TUBB3: variants seen among roughly 807,000 people sequenced by gnomAD.
TUBB3 encodes the protein tubulin beta 3 class III.
In TUBB3, 17 loss-of-function variants were observed where a neutral mutation model predicts 37.8. That is an observed-to-expected ratio of 0.45 (90% confidence interval 0.31 to 0.67). TUBB3 has a LOEUF of 0.67. Among genes scored for constraint, TUBB3 ranks in the 30% least tolerant of loss-of-function variants. TUBB3 has a pLI of 0.07. For missense variants in TUBB3, 262 were observed against 657.9 expected (o/e 0.40, Z 6.58); for synonymous variants, 332 against 278.9 (o/e 1.19, Z -1.90).
chr16:89,928,219 T>A (rs1400956837), intron 1 of TUBB3, among the ~76,000 whole-genome samples: 1 of 149,948 alleles, frequency 6.7e-6, no homozygotes, highest in African/African-American at 2.5e-5. Context: ...CATGCCCAAC[T>A]AATTTTTTTG....
chr16:89,935,410 G>T lies in TUBB3; in HGVS notation c.959G>T (p.Arg320Leu). ...ACGGTGGCCACCGTGTTCCGGGGCC[G>T]CATGTCCATGAAGGAGGTGGACGAG... ...YLTVATVFRG[R>L]MSMKEVDEQM... Residue 320 changes from arginine (R) to leucine (L), a missense_variant, in exon 4 of 4, where the codon CGC becomes CTC. Transcript: ENST00000315491. 1 of 1,614,178 alleles carries T rather than the reference G, an allele frequency of 6.2e-7. No individual in the cohort carries two copies. The highest frequency in any genetic ancestry group is 8.5e-7 in the Non-Finnish European group (1 of 1,180,046).
rs897420696 is a variant in TUBB3 at position 89,935,849 on chromosome 16, A to G, written c.*45A>G. On this transcript the variant is annotated 3_prime_UTR_variant, in exon 4 of 4. Coordinates refer to ENST00000315491, the MANE Select transcript of TUBB3 (RefSeq NM_006086.4). ...GAGAGGCAGGTGGCGGCCGGGGCCG[A>G]AGCCAGCAGTGTCTAAACCCCCGGA... The G allele has an allele frequency of 5.1e-6, 8 of 1,582,920 alleles. No homozygotes were observed. The highest frequency in any genetic ancestry group is 6.9e-6 in the Non-Finnish European group (8 of 1,164,198).
intron 1 of TUBB3, 23 bp downstream of exon 1, chr16:89,923,481 G>T: frequency 7.0e-7 from 1 of 1,435,364 alleles, no homozygotes; most frequent in Non-Finnish European, 9.2e-7. Flanking sequence ...GCCCCGGCCT[G>T]TCCCGGGCCC....
chr16:89,925,876 C>T (rs1382496594), intron 1 of TUBB3, among the ~76,000 whole-genome samples: 1 of 152,198 alleles, frequency 6.6e-6, no homozygotes, highest in African/African-American at 2.4e-5. Flanking sequence ...GGAGCAAAGC[C>T]GGGTCCCGGG....
In TUBB3 at chr16:89,935,894, C is replaced by T. The variant is rs1263075833; in HGVS notation, c.*90C>T. On this transcript the variant is annotated 3_prime_UTR_variant, in exon 4 of 4. Transcript: ENST00000315491. The stretch of plus-strand genomic sequence containing the variant: ...CCCGGAGCCATCTTGCTGCCGACAC[C>T]CTGCTTTCCCCTCGCCCTAGGGCTC... 1.1e-5 allele frequency: 16 copies of T among 1,467,040 alleles called. No individual in the cohort carries two copies. The highest frequency in any genetic ancestry group is 1.5e-5 in the Non-Finnish European group (16 of 1,090,348). 90.9% of individuals were successfully genotyped at this position (1,467,040 alleles called of 1,614,324 possible). A position where few individuals can be genotyped will look rare whatever the true frequency, so the allele number is the denominator to read the frequency against.
chr16:89,930,821 C>A (rs371018619), intron 1 of TUBB3, among the ~76,000 whole-genome samples: 1 of 151,092 alleles, frequency 6.6e-6, no homozygotes, highest in Admixed American at 6.6e-5. Context: ...CACCCCTTTA[C>A]GAGAGGCATC....
At position 89,935,504 on chromosome 16, in the gene TUBB3, G is replaced by A. The variant is rs2030424649; in HGVS notation, c.1053G>A (p.Val351=). ...FVEWIPNNVK[V]AVCDIPPRGL... is the part of the protein sequence containing the mutation. ...AGTGGATCCCCAACAACGTGAAGGT[G>A]GCCGTGTGTGACATCCCGCCCCGCG... The change falls in exon 4 of 4, where the codon GTG becomes GTA. Residue 351 remains valine, a synonymous_variant. Transcript: ENST00000315491. 1.9e-6 allele frequency: 3 copies of A among 1,614,104 alleles called. No individual in the cohort carries two copies. Among genetic ancestry groups the A allele is most frequent in the Non-Finnish European group, 2.5e-6 (3 of 1,180,060 alleles).
intron 3 of TUBB3, 56 bp from the exon 4 acceptor site, chr16:89,934,673 G>A: frequency 6.4e-7 from 1 of 1,560,758 alleles, no homozygotes; most frequent in Non-Finnish European, 8.8e-7. Context: ...AGGGGCTGGA[G>A]GTCTGGACTG....
In TUBB3 at chr16:89,935,852, C is replaced by T. The variant is rs768243376; in HGVS notation, c.*48C>T. 6.3e-7 allele frequency: 1 copy of T among 1,577,444 alleles called. No individual in the cohort carries two copies. Among genetic ancestry groups the T allele is most frequent in the East Asian group, 2.3e-5 (1 of 43,244 alleles). The stretch of plus-strand genomic sequence containing the variant: ...AGGCAGGTGGCGGCCGGGGCCGAAG[C>T]CAGCAGTGTCTAAACCCCCGGAGCC... On this transcript the variant is annotated 3_prime_UTR_variant, in exon 4 of 4. Coordinates refer to ENST00000315491, the MANE Select transcript of TUBB3 (RefSeq NM_006086.4).
chr16:89,931,123 G>T (rs543628830), intron 1 of TUBB3, among the ~76,000 whole-genome samples: 74 of 152,242 alleles, frequency 4.9e-4, no homozygotes, highest in Non-Finnish European at 8.7e-4. Flanking sequence ...CACTGTACCT[G>T]GCCTACTAGA....
At chr16:89,929,286 A>T (rs1410719970) in intron 1 of TUBB3, among the ~76,000 whole-genome samples, 1 of 152,170 alleles carries the variant, frequency 6.6e-6, no homozygotes, top group Non-Finnish European at 1.5e-5. Flanking sequence ...TAATTTAAAA[A>T]TTTAACGCAA....
intron 1 of TUBB3, 134 bp from the exon 2 acceptor site, chr16:89,932,437 T>C (rs1054141264): frequency 2.8e-6 from 2 of 722,770 alleles, no homozygotes; most frequent in Non-Finnish European, 5.0e-6. Flanking sequence ...GGGGCTCTCT[T>C]CTGAATGGGG....
At position 89,923,411 on chromosome 16, in the gene TUBB3, A is replaced by T. The variant is rs2144399233; in HGVS notation, c.10A>T (p.Ile4Phe). 6.6e-7 allele frequency: 1 copy of T among 1,509,764 alleles called. No homozygotes were observed. Among genetic ancestry groups the T allele is most frequent in the East Asian group, 2.9e-5 (1 of 34,894 alleles). The allele number at this position is 1,509,764 out of a possible 1,614,324, so 93.5% of individuals were successfully genotyped here. A position where few individuals can be genotyped will look rare whatever the true frequency, so the allele number is the denominator to read the frequency against. The change falls in exon 1 of 4, where the codon ATC (isoleucine) becomes TTC (phenylalanine). Residue 4 changes from isoleucine to phenylalanine, a missense_variant. This residue lies in a region of TUBB3 where 58 missense variants were observed against 74.2 expected (regional missense o/e 0.78). Coordinates refer to ENST00000315491, the MANE Select transcript of TUBB3 (RefSeq NM_006086.4). ...GCCAGACGCGCCCAGTATGAGGGAGATCGTGCACATCCAGGCCGGCCAGTG... is the reference window on the plus strand; with the variant it reads ...GCCAGACGCGCCCAGTATGAGGGAGTTCGTGCACATCCAGGCCGGCCAGTG... The part of the protein sequence containing the change: MRE[I>F]VHIQAGQCGN...
rs587784504 is a variant in TUBB3, at chr16:89,935,782, C to T, written c.1331C>T (p.Ser444Leu). 1.2e-5 allele frequency: 20 copies of T among 1,613,418 alleles called. No homozygotes were observed. In the South Asian group the frequency reaches 1.6e-4, roughly 13 times the overall value. Residue 444 changes from serine to leucine, a missense_variant, in exon 4 of 4, where the codon TCG becomes TTG. By Grantham distance (145) the Ser-to-Leu change is moderately radical. This residue lies in a region of TUBB3 where 39 missense variants were observed against 26.9 expected (regional missense o/e 1.45). Coordinates refer to ENST00000315491, the MANE Select transcript of TUBB3 (RefSeq NM_006086.4). ...ATGTACGAAGACGACGAGGAGGAGT[C>T]GGAGGCCCAGGGCCCCAAGTGAAGC... ...GEMYEDDEEE[S>L]EAQGPK
At position 89,935,567 on chromosome 16, in the gene TUBB3, G is replaced by C; in HGVS notation, c.1116G>C (p.Thr372=). The change falls in exon 4 of 4, where the codon ACG becomes ACC. Residue 372 remains threonine (T), a synonymous_variant. Coordinates refer to ENST00000315491, the MANE Select transcript of TUBB3 (RefSeq NM_006086.4). ...KMSSTFIGNS[T]AIQELFKRIS... ...CCTCCACCTTCATCGGGAACAGCAC[G>C]GCCATCCAGGAGCTGTTCAAGCGCA... 6.2e-7 allele frequency: 1 copy of C among 1,614,058 alleles called. No homozygotes were observed.
intron 1 of TUBB3, among the ~76,000 whole-genome samples, chr16:89,928,035 C>G (rs1387542831): frequency 2.0e-5 from 3 of 152,016 alleles, no homozygotes. Flanking sequence ...AGGTGGGAAG[C>G]TTGGACAAGC....
At position 89,934,638 on chromosome 16, in the gene TUBB3, A is replaced by G. The variant is rs1034956401; in HGVS notation, c.278-91A>G. 3.7e-5 allele frequency: 48 copies of G among 1,292,920 alleles called. No homozygotes were observed. In the South Asian group the frequency reaches 5.2e-4, roughly 14 times the overall value. 80.1% of individuals were successfully genotyped at this position (1,292,920 alleles called of 1,614,324 possible). A position where few individuals can be genotyped will look rare whatever the true frequency, so the allele number is the denominator to read the frequency against. The stretch of plus-strand genomic sequence containing the variant: ...AAGACAGAACAGGCATGGGGCTGCC[A>G]CGGCTGCCCTTGGGATGTTCAGGCA... On this transcript the variant is annotated intron_variant, in intron 3 of 3. Transcript: ENST00000315491.
At chr16:89,929,842 A>G (rs1288722294) in intron 1 of TUBB3, among the ~76,000 whole-genome samples, 1 of 152,132 alleles carries the variant, frequency 6.6e-6, no homozygotes, top group African/African-American at 2.4e-5. Context: ...CTGGGATTAC[A>G]GGTGCTCGCC....
Position 89,935,603 on chromosome 16 carries a change from GT to G in TUBB3, c.1154del (p.Phe385SerfsTer31). 1 of 1,613,954 alleles carries G rather than the reference GT, an allele frequency of 6.2e-7. No individual in the cohort carries two copies. Among genetic ancestry groups the G allele is most frequent in the Non-Finnish European group, 8.5e-7 (1 of 1,179,990 alleles). On this transcript the variant is annotated frameshift_variant, in exon 4 of 4. Transcript: ENST00000315491. LOFTEE classifies it high-confidence loss of function. ...QELFKRISEQFTAMFRRKAFL... is the reference protein window; with the variant it reads ...QELFKRISEQXTAMFRRKAFL... ...AGCTGTTCAAGCGCATCTCCGAGCA[GT>G]TCACGGCCATGTTCCGGCGCAAGGC...
Sources: allele counts gnomAD v4.1 joint callset (sites outside exome capture counted in the v4.1 genomes callset), GRCh38; gene constraint gnomAD v4.1.1; regional missense constraint gnomAD v4.1.1; transcripts MANE v1.5; gene names NCBI Gene and HGNC (gene_info 2026-07-23, HGNC 2026-07-21).